The following CDH13 variants were observed in gnomAD, a reference collection of about 807,000 sequenced individuals.
The protein encoded by CDH13 is cadherin 13.
In CDH13, 24 loss-of-function variants were observed where a neutral mutation model predicts 63.8. The ratio of observed to expected loss-of-function variants is 0.38; its 90% CI spans 0.27 to 0.53. The LOEUF is 0.53. CDH13 is among the 20% of genes least tolerant of loss of function. CDH13 has a pLI of 0.85. For missense variants in CDH13, 1,049 were observed against 903.1 expected, an observed-to-expected ratio of 1.16 and a Z score of -2.07; for synonymous variants, 503 against 355.3, an observed-to-expected ratio of 1.42 and a Z score of -4.67.
rs553156724 is a variant in CDH13 at position 83,082,450 on chromosome 16, C to A, written c.367-42935C>A. Among the ~76,000 whole-genome samples, 10 of 151,746 alleles carry A rather than the reference C, an allele frequency of 6.6e-5. No homozygotes were observed. In the South Asian group the frequency reaches 1.9e-3, roughly 29 times the overall value. ...GACCAGCCTGGCCAACATGGTGAAA[C>A]CCTGTATCTACTAAAAATAAAAATA... On this transcript the variant is annotated intron_variant, in intron 3 of 13. Coordinates refer to ENST00000567109, the MANE Select transcript of CDH13 (RefSeq NM_001257.5).
chr16:83,727,765 G>C (rs1185026608), intron 10 of CDH13, among the ~76,000 whole-genome samples: 2 of 152,070 alleles, frequency 1.3e-5, no homozygotes, highest in African/African-American at 2.4e-5. Context: ...GACCAAACAG[G>C]TTTGGGAATG....
intron 1 of CDH13, among the ~76,000 whole-genome samples, chr16:82,788,928 G>C (rs2036155697): frequency 6.6e-6 from 1 of 152,206 alleles, no homozygotes; most frequent in African/African-American, 2.4e-5. Flanking sequence ...AAACTGAGCA[G>C]GACTTGGGCA....
intron 7 of CDH13, among the ~76,000 whole-genome samples, chr16:83,558,456 T>A (rs537078988): frequency 2.6e-5 from 4 of 152,364 alleles, no homozygotes; most frequent in Non-Finnish European, 5.9e-5. Context: ...GTGCCTTGGG[T>A]AGTATCACTG....
intron 6 of CDH13, among the ~76,000 whole-genome samples, chr16:83,471,500 T>A (rs1278982990): frequency 6.6e-6 from 1 of 152,184 alleles, no homozygotes; most frequent in African/African-American, 2.4e-5. Flanking sequence ...GGTCTTGAAC[T>A]TCTGACCTCG....
At chr16:83,381,853 C>G (rs1368725329) in intron 6 of CDH13, among the ~76,000 whole-genome samples, 1 of 152,182 alleles carries the variant, frequency 6.6e-6, no homozygotes, top group African/African-American at 2.4e-5. Context: ...ACAAGTTGCT[C>G]CTTATACTTG....
chr16:82,748,683 G>C (rs1353564556), intron 1 of CDH13, among the ~76,000 whole-genome samples: 1 of 152,174 alleles, frequency 6.6e-6, no homozygotes, highest in Non-Finnish European at 1.5e-5. Context: ...GCCTCACTGT[G>C]CTTGTCACAG....
At chr16:83,253,287 A>G (rs189506139) in intron 5 of CDH13, among the ~76,000 whole-genome samples, 12 of 152,286 alleles carry the variant, frequency 7.9e-5, no homozygotes, top group African/African-American at 2.9e-4. Flanking sequence ...TGGTGCTGCT[A>G]GGGCGGGGTA....
chr16:83,048,700 T>A (rs868629704), intron 3 of CDH13, among the ~76,000 whole-genome samples: 1 of 152,150 alleles, frequency 6.6e-6, no homozygotes, highest in African/African-American at 2.4e-5. Context: ...TCATGACATA[T>A]CCCTTCACTT....
intron 3 of CDH13, among the ~76,000 whole-genome samples, chr16:83,110,701 C>A (rs907624549): frequency 1.3e-5 from 2 of 152,150 alleles, no homozygotes; most frequent in African/African-American, 4.8e-5. Flanking sequence ...ACATTTCCAA[C>A]TCAGACATCT....
chr16:82,880,468 A>G (rs1299621514), intron 2 of CDH13, among the ~76,000 whole-genome samples: 1 of 152,134 alleles, frequency 6.6e-6, no homozygotes, highest in African/African-American at 2.4e-5. Flanking sequence ...GGTGATTTGA[A>G]TGGGGGCATT....
At chr16:83,066,536 G>C (rs778616184) in intron 3 of CDH13, among the ~76,000 whole-genome samples, 4 of 152,142 alleles carry the variant, frequency 2.6e-5, no homozygotes, top group Non-Finnish European at 5.9e-5. Flanking sequence ...GGATTATAAA[G>C]CCTGAATACC....
At chr16:83,408,981 A>G (rs2092087676) in intron 6 of CDH13, among the ~76,000 whole-genome samples, 1 of 152,158 alleles carries the variant, frequency 6.6e-6, no homozygotes, top group African/African-American at 2.4e-5. Context: ...TCTGCTTTTC[A>G]GTGACGTGGC....
chr16:83,446,162 GC>G (rs2072682220), intron 6 of CDH13, among the ~76,000 whole-genome samples: 1 of 151,928 alleles, frequency 6.6e-6, no homozygotes, highest in South Asian at 2.1e-4. Flanking sequence ...AATTTTCTAG[GC>G]ATGGTGGCAT....
intron 5 of CDH13, among the ~76,000 whole-genome samples, chr16:83,277,156 T>C (rs977250086): frequency 5.3e-5 from 8 of 152,190 alleles, no homozygotes; most frequent in Non-Finnish European, 8.8e-5. Flanking sequence ...ACTGGATAGG[T>C]GGATTCATTG....
At chr16:82,781,248 A>G (rs1226312427) in intron 1 of CDH13, among the ~76,000 whole-genome samples, 3 of 152,204 alleles carry the variant, frequency 2.0e-5, no homozygotes. Flanking sequence ...CATTATACCA[A>G]TTGGCCTATA....
At chr16:83,080,693 T>A (rs2033166368) in intron 3 of CDH13, among the ~76,000 whole-genome samples, 1 of 151,968 alleles carries the variant, frequency 6.6e-6, no homozygotes, top group Non-Finnish European at 1.5e-5. Context: ...ACAGTCTTGA[T>A]CAGAAACAAG....
chr16:82,802,447 C>T (rs1479766402), intron 1 of CDH13, among the ~76,000 whole-genome samples: 1 of 152,140 alleles, frequency 6.6e-6, no homozygotes, highest in South Asian at 2.1e-4. Flanking sequence ...AAAGGACATT[C>T]AGTGATCTGT....
chr16:82,958,061 C>G (rs1430301336), intron 2 of CDH13, among the ~76,000 whole-genome samples: 5 of 152,178 alleles, frequency 3.3e-5, no homozygotes, highest in African/African-American at 7.2e-5. Context: ...CTGTCTTTCT[C>G]TTAGTAAACT....
intron 1 of CDH13, among the ~76,000 whole-genome samples, chr16:82,834,995 A>G (rs762420069): frequency 6.6e-6 from 1 of 152,216 alleles, no homozygotes; most frequent in Non-Finnish European, 1.5e-5. Flanking sequence ...GGAGTCCTCA[A>G]AGCCACATAT....
Sources: gnomAD v4.1 joint callset for allele counts (sites outside exome capture counted in the v4.1 genomes callset) on GRCh38, gnomAD v4.1.1 for gene constraint, MANE v1.5 for transcripts, NCBI Gene and HGNC (gene_info 2026-07-23, HGNC 2026-07-21) for gene names.